KCNK10: variants seen among roughly 807,000 people sequenced by gnomAD.
The protein encoded by KCNK10 is potassium channel subfamily K member 10.
KCNK10 carries 25 observed loss-of-function variants against 47.7 expected under a neutral mutation model. The observed-to-expected ratio is 0.52, with a 90% CI of 0.38 to 0.73. KCNK10 has a LOEUF of 0.73. Ranked by LOEUF, KCNK10 falls within the 30% of genes least tolerant of loss-of-function variation. The pLI, the probability that KCNK10 is intolerant of heterozygous loss-of-function variation, is 0.00. For missense variants in KCNK10, 563 were observed against 714.5 expected, an observed-to-expected ratio of 0.79 and a Z score of 2.42; for synonymous variants, 303 against 285.6, an observed-to-expected ratio of 1.06 and a Z score of -0.61.
In KCNK10 at chr14:88,186,221, C is replaced by T. The variant is rs1595068475; in HGVS notation, c.1012-66G>A. On this transcript the variant is annotated intron_variant, in intron 6 of 6. Transcript: ENST00000319231. This position sits in a 1 kb window ranked among gnomAD's most constrained non-coding sequence, Gnocchi z 5.5. ...CCTCCCTGCCTTGGCCTCCCAGCAC[C>T]CACAGCCCTCGGGTGTCCCCACGGG... 1.3e-6 allele frequency: 2 copies of T among 1,499,264 alleles called. No homozygotes were observed. The highest frequency in any genetic ancestry group is 2.4e-5 in the East Asian group (1 of 41,930). 92.9% of individuals were successfully genotyped at this position (1,499,264 alleles called of 1,614,324 possible). A position where few individuals can be genotyped will look rare whatever the true frequency, so the allele number is the denominator to read the frequency against.
At chr14:88,238,407 A>C (rs1886356606) in intron 3 of KCNK10, among the ~76,000 whole-genome samples, 1 of 152,214 alleles carries the variant, frequency 6.6e-6, no homozygotes, top group Non-Finnish European at 1.5e-5. Context: ...ACAGTGGCTC[A>C]TGCCTGTAAT....
chr14:88,231,971 T>A (rs925214701), intron 3 of KCNK10, among the ~76,000 whole-genome samples: 1 of 152,204 alleles, frequency 6.6e-6, no homozygotes, highest in Admixed American at 6.5e-5. Context: ...ATAAACACAT[T>A]TTTTATGTCT....
chr14:88,299,677 A>C (rs755847889), intron 1 of KCNK10, among the ~76,000 whole-genome samples: 1 of 152,248 alleles, frequency 6.6e-6, no homozygotes, highest in Non-Finnish European at 1.5e-5. Context: ...GAACTAGCAC[A>C]GAATACCTAT....
In KCNK10 at chr14:88,263,242, T is replaced by G. The variant is rs1244722253; in HGVS notation, c.362A>C (p.His121Pro). ...ALEKAEFLRD[H>P]VCVSPQELET... ...CAGCTCCTGGGGGCTCACACAGACA[T>G]GATCCCGCAGGAATTCCGCCTTCTC... is the stretch of plus-strand genomic sequence containing the variant. The change falls in exon 2 of 7, where the codon CAT becomes CCT. Residue 121 changes from histidine to proline, a missense_variant. By Grantham distance (77) the His-to-Pro change is moderately conservative. Transcript: ENST00000319231. The G allele has an allele frequency of 2.5e-6, 4 of 1,614,062 alleles. No homozygotes were observed. The highest frequency in any genetic ancestry group is 2.5e-6 in the Non-Finnish European group (3 of 1,180,026).
At chr14:88,196,380 G>T (rs1884914386) in intron 4 of KCNK10, among the ~76,000 whole-genome samples, 1 of 152,202 alleles carries the variant, frequency 6.6e-6, no homozygotes, top group Non-Finnish European at 1.5e-5. Context: ...CTTGTTTCAG[G>T]CCTCAGAGGG....
intron 1 of KCNK10, among the ~76,000 whole-genome samples, chr14:88,312,397 G>A (rs368703567): frequency 2.0e-5 from 3 of 152,266 alleles, no homozygotes; most frequent in African/African-American, 7.2e-5. Flanking sequence ...TGTGTTTGCC[G>A]TCACCCCCAG....
intron 1 of KCNK10, among the ~76,000 whole-genome samples, chr14:88,278,946 T>C (rs1272170008): frequency 7.9e-5 from 12 of 152,178 alleles, no homozygotes; most frequent in Non-Finnish European, 1.5e-5. Flanking sequence ...CCAGTTGCAC[T>C]TGGGCTGCCA....
rs767566398 is a variant in KCNK10 at position 88,263,260 on chromosome 14, G to A, written c.344C>T (p.Ala115Val). ...ACAGACATGATCCCGCAGGAATTCCGCCTTCTCCAAGGCGATGGTATTCTT... is the reference window on the plus strand; with the variant it reads ...ACAGACATGATCCCGCAGGAATTCCACCTTCTCCAAGGCGATGGTATTCTT... Reference protein sequence around the residue: ...SQKNTIALEKAEFLRDHVCVS... With the variant: ...SQKNTIALEKVEFLRDHVCVS... Residue 115 changes from alanine (A) to valine (V), a missense_variant, in exon 2 of 7, where the codon GCG becomes GTG. Coordinates refer to ENST00000319231, the MANE Select transcript of KCNK10 (RefSeq NM_138317.3). The A allele has an allele frequency of 1.5e-5, 25 of 1,614,022 alleles. No homozygotes were observed. The highest frequency in any genetic ancestry group is 8.9e-5 in the East Asian group (4 of 44,900).
At chr14:88,287,948 T>C (rs1887801876) in intron 1 of KCNK10, among the ~76,000 whole-genome samples, 2 of 152,300 alleles carry the variant, frequency 1.3e-5, no homozygotes, top group Middle Eastern at 3.4e-3. Context: ...ATAGTGGTTG[T>C]ATTCCCAGCA....
intron 2 of KCNK10, among the ~76,000 whole-genome samples, chr14:88,257,399 A>G (rs1595109233): frequency 6.6e-6 from 1 of 152,290 alleles, no homozygotes; most frequent in East Asian, 1.9e-4. Context: ...AGCCATTCTG[A>G]TCACTTTCAA....
Position 88,300,173 on chromosome 14 carries a change from A to G in KCNK10, c.52+22574T>C, listed in dbSNP as rs547332807. Among the ~76,000 whole-genome samples, 5 of 152,258 alleles carry G rather than the reference A, an allele frequency of 3.3e-5. No individual in the cohort carries two copies. In the South Asian group the frequency reaches 1.0e-3, roughly 32 times the overall value. On this transcript the variant is annotated intron_variant, in intron 1 of 6. Transcript: ENST00000319231. ...TTCTATCCCTTGAGCAAAACTTGCAAATATGCACCATCTTACCAGTGCTTA... is the reference window on the plus strand; with the variant it reads ...TTCTATCCCTTGAGCAAAACTTGCAGATATGCACCATCTTACCAGTGCTTA...
intron 1 of KCNK10, among the ~76,000 whole-genome samples, chr14:88,271,614 G>C (rs1464424505): frequency 3.3e-5 from 5 of 152,148 alleles, no homozygotes; most frequent in Non-Finnish European, 7.3e-5. Context: ...CAAAATACTT[G>C]TGAGATTTTA....
At chr14:88,302,646 G>T (rs1215523800) in intron 1 of KCNK10, among the ~76,000 whole-genome samples, 1 of 152,186 alleles carries the variant, frequency 6.6e-6, no homozygotes. Flanking sequence ...GGAGGCAGAG[G>T]TTGCAGTGAA....
At chr14:88,212,961 C>G (rs139920636) in intron 4 of KCNK10, among the ~76,000 whole-genome samples, 1 of 152,340 alleles carries the variant, frequency 6.6e-6, no homozygotes, top group East Asian at 1.9e-4. Flanking sequence ...CACACTGTCA[C>G]CTCCCAGGGG....
At position 88,192,350 on chromosome 14, in the gene KCNK10, C is replaced by T. The variant is rs1884776534; in HGVS notation, c.742G>A (p.Gly248Ser). 6.2e-7 allele frequency: 1 copy of T among 1,614,094 alleles called. No individual in the cohort carries two copies. Among genetic ancestry groups the T allele is most frequent in the Non-Finnish European group, 8.5e-7 (1 of 1,180,012 alleles). ...GGGATCGTCACAAACACAATGCAGC[C>T]GGCCAAGATGAACAGGATGGTTGAG... The part of the protein sequence containing the change: ...VISTILFILA[G>S]CIVFVTIPAV... The change falls in exon 5 of 7, where the codon GGC becomes AGC. Residue 248 changes from glycine (G) to serine (S), a missense_variant. Transcript: ENST00000319231.
At chr14:88,210,008 C>A (rs556931954) in intron 4 of KCNK10, among the ~76,000 whole-genome samples, 1 of 152,324 alleles carries the variant, frequency 6.6e-6, no homozygotes, top group South Asian at 2.1e-4. Context: ...AATATACAAG[C>A]TAGACTTAAC....
At chr14:88,305,079 G>T (rs1208813767) in intron 1 of KCNK10, among the ~76,000 whole-genome samples, 2 of 152,002 alleles carry the variant, frequency 1.3e-5, no homozygotes, top group African/African-American at 4.8e-5. Flanking sequence ...CATGCCTGTA[G>T]TCCCAGCTAC....
chr14:88,186,859 G>T lies in KCNK10; in HGVS notation c.1012-704C>A, dbSNP rs1042735229. Among the ~76,000 whole-genome samples, 2 of 152,150 alleles carry T rather than the reference G, an allele frequency of 1.3e-5. No homozygotes were observed. Among genetic ancestry groups the T allele is most frequent in the Admixed American group, 6.5e-5 (1 of 15,276 alleles). On this transcript the variant is annotated intron_variant, in intron 6 of 6. Transcript: ENST00000319231. The surrounding 1 kb of genome is among the most constrained non-coding windows in gnomAD (Gnocchi z 5.5). ...TCCCCCAGTCAGGGTGCAGGAAGAC[G>T]GCCTATTCTGCCAAAGCCCACAGAA...
Position 88,227,523 on chromosome 14 carries a change from A to C in KCNK10, c.533T>G (p.Ile178Ser). Residue 178 changes from isoleucine to serine, a missense_variant, in exon 4 of 7, where the codon ATT becomes AGT. Coordinates refer to ENST00000319231, the MANE Select transcript of KCNK10 (RefSeq NM_138317.3). Reference protein sequence around the residue: ...TVITTIGYGNIAPSTEGGKIF... With the variant: ...TVITTIGYGNSAPSTEGGKIF... ...TTTGCCTCCTTCAGTGCTCGGAGCA[A>C]TATTCCCATACCCTGGTGAGAAATA... 6.2e-7 allele frequency: 1 copy of C among 1,607,992 alleles called. No individual in the cohort carries two copies. Among genetic ancestry groups the C allele is most frequent in the Non-Finnish European group, 8.5e-7 (1 of 1,177,824 alleles).
Sources: allele counts gnomAD v4.1 joint callset (sites outside exome capture counted in the v4.1 genomes callset), GRCh38; gene constraint gnomAD v4.1.1; non-coding constraint Gnocchi (gnomAD v3.1); transcripts MANE v1.5; gene names NCBI Gene and HGNC (gene_info 2026-07-23, HGNC 2026-07-21).